The following CDH22 variants were observed in gnomAD, a reference collection of about 807,000 sequenced individuals.
CDH22 encodes cadherin 22.
CDH22 carries 30 observed loss-of-function variants against 58.4 expected under a neutral mutation model. The observed-to-expected ratio is 0.51, with a 90% CI of 0.38 to 0.70. The LOEUF is 0.70. CDH22 is among the 30% of genes least tolerant of loss of function. The pLI is 0.00. For missense variants in CDH22, 1,014 were observed against 1,233.9 expected (o/e 0.82, Z 2.67); for synonymous variants, 513 against 558.2 (o/e 0.92, Z 1.14).
At chr20:46,267,080 T>C (rs542191928) in intron 1 of CDH22, among the ~76,000 whole-genome samples, 5 of 152,234 alleles carry the variant, frequency 3.3e-5, no homozygotes, top group African/African-American at 1.2e-4. Context: ...TTATTATAAT[T>C]GTTATATTAC....
At chr20:46,286,182 A>C (rs1410630634) in intron 1 of CDH22, among the ~76,000 whole-genome samples, 1 of 152,092 alleles carries the variant, frequency 6.6e-6, no homozygotes, top group Non-Finnish European at 1.5e-5. Context: ...TCAACCCTGG[A>C]AGGCAGGTGT....
intron 3 of CDH22, among the ~76,000 whole-genome samples, chr20:46,234,416 A>C (rs1299836145): frequency 1.3e-5 from 2 of 152,254 alleles, no homozygotes; most frequent in Admixed American, 1.3e-4. Flanking sequence ...TAGTAACATG[A>C]AGACACTAAT....
In CDH22 at chr20:46,251,172, T is replaced by C. The variant is rs2086370236; in HGVS notation, c.123A>G (p.Thr41=). 1 of 1,568,060 alleles carries C rather than the reference T, an allele frequency of 6.4e-7. No individual in the cohort carries two copies. The highest frequency in any genetic ancestry group is 8.6e-7 in the Non-Finnish European group (1 of 1,158,670). ...GAGCTCCGGGCGCCGACGGCGAGGG[T>C]GTGCCCGCTGCCCACAGGCGCCCCA... is the stretch of plus-strand genomic sequence containing the variant. The part of the protein sequence containing the change: ...TLLGRLWAAG[T]PSPSAPGARQ... The change falls in exon 2 of 12, where the codon ACA becomes ACG. Residue 41 remains threonine (T), a synonymous_variant. Coordinates refer to ENST00000537909, the MANE Select transcript of CDH22 (RefSeq NM_021248.3). The surrounding 1 kb of genome is among the most constrained non-coding windows in gnomAD (Gnocchi z 6.7).
At chr20:46,201,074 TGTCTC>T (rs1403063428) in intron 7 of CDH22, among the ~76,000 whole-genome samples, 1 of 152,218 alleles carries the variant, frequency 6.6e-6, no homozygotes, top group African/African-American at 2.4e-5. Flanking sequence ...GTCCAACACA[TGTCTC>T]GGGCGGCGGC....
intron 1 of CDH22, among the ~76,000 whole-genome samples, chr20:46,293,246 C>T (rs575902858): frequency 6.6e-6 from 1 of 152,280 alleles, no homozygotes; most frequent in South Asian, 2.1e-4. Context: ...ATTCTGTGGA[C>T]TCAGAGAGTA....
intron 6 of CDH22, among the ~76,000 whole-genome samples, chr20:46,212,231 G>A (rs986515180): frequency 6.6e-6 from 1 of 152,180 alleles, no homozygotes; most frequent in Non-Finnish European, 1.5e-5. Context: ...GGAGGAAGAA[G>A]AGCTGGACAG....
Position 46,216,736 on chromosome 20 carries a change from G to A in CDH22, c.838+90C>T. ...GGGGAAGCCCTTCTTTTGGTGGGAAGTCTAAAGGGAAGCTGGGGTCAGCAG... is the reference window on the plus strand; with the variant it reads ...GGGGAAGCCCTTCTTTTGGTGGGAAATCTAAAGGGAAGCTGGGGTCAGCAG... On this transcript the variant is annotated intron_variant, in intron 5 of 11. Coordinates refer to ENST00000537909, the MANE Select transcript of CDH22 (RefSeq NM_021248.3). The surrounding 1 kb of genome is among the most constrained non-coding windows in gnomAD (Gnocchi z 5.3). 2.4e-6 allele frequency: 3 copies of A among 1,244,020 alleles called. No homozygotes were observed. The South Asian group carries it at 4.0e-5, about 16-fold the overall frequency. 77.1% of individuals were successfully genotyped at this position (1,244,020 alleles called of 1,614,324 possible). A position where few individuals can be genotyped will look rare whatever the true frequency, so the allele number is the denominator to read the frequency against.
intron 2 of CDH22, among the ~76,000 whole-genome samples, chr20:46,246,018 C>T (rs1600714737): frequency 6.6e-6 from 1 of 152,276 alleles, no homozygotes; most frequent in African/African-American, 2.4e-5. Context: ...AAGCCCCATC[C>T]CTTGATCATA....
intron 1 of CDH22, among the ~76,000 whole-genome samples, chr20:46,298,519 C>T (rs936916593): frequency 4.6e-5 from 7 of 151,858 alleles, no homozygotes; most frequent in Non-Finnish European, 5.9e-5. Context: ...AGGTAAATAA[C>T]GGGTTGGTGG....
intron 1 of CDH22, among the ~76,000 whole-genome samples, chr20:46,286,336 C>A: frequency 6.6e-6 from 1 of 152,132 alleles, no homozygotes; most frequent in Non-Finnish European, 1.5e-5. Flanking sequence ...AATCTGACCA[C>A]GCCTGGCCCT....
chr20:46,236,642 T>TAA (rs2086255059), intron 3 of CDH22, among the ~76,000 whole-genome samples: 2 of 134,382 alleles, frequency 1.5e-5, no homozygotes, highest in African/African-American at 5.5e-5. Context: ...TATATATTTA[T>TAA]ATATTAATAT....
intron 4 of CDH22, among the ~76,000 whole-genome samples, chr20:46,222,327 C>A (rs1297947773): frequency 6.6e-6 from 1 of 152,198 alleles, no homozygotes; most frequent in Non-Finnish European, 1.5e-5. Flanking sequence ...ACTCCCAGTG[C>A]CCCTCCACTG....
At chr20:46,289,687 G>A (rs1398987595) in intron 1 of CDH22, among the ~76,000 whole-genome samples, 5 of 152,166 alleles carry the variant, frequency 3.3e-5, no homozygotes, top group African/African-American at 1.2e-4. Flanking sequence ...TGGATTGCCT[G>A]GGGCGATATG....
At position 46,266,007 on chromosome 20, in the gene CDH22, G is replaced by T. The variant is rs546512590; in HGVS notation, c.-399-14314C>A. On this transcript the variant is annotated intron_variant, in intron 1 of 11. Coordinates refer to ENST00000537909, the MANE Select transcript of CDH22 (RefSeq NM_021248.3). ...GCTCCTCCATCCTACTGAACTACTG[G>T]GGGCCCAGATGCCCCCTCTGGGTCT... Among the ~76,000 whole-genome samples, 9 of 151,552 alleles carry T rather than the reference G, an allele frequency of 5.9e-5. No homozygotes were observed. The South Asian group carries it at 1.9e-3, about 32-fold the overall frequency.
chr20:46,230,188 G>A (rs982524500), intron 3 of CDH22, among the ~76,000 whole-genome samples: 1 of 151,994 alleles, frequency 6.6e-6, no homozygotes, highest in African/African-American at 2.4e-5. Flanking sequence ...CCTTGGGGTG[G>A]TCCCACAGGT....
Position 46,251,387 on chromosome 20 carries a change from ATGG to A in CDH22, c.-96_-94del. The A allele has an allele frequency of 7.5e-7, 1 of 1,325,146 alleles. No homozygotes were observed. Among genetic ancestry groups the A allele is most frequent in the Non-Finnish European group, 9.7e-7 (1 of 1,031,260 alleles). 82.1% of individuals were successfully genotyped at this position (1,325,146 alleles called of 1,614,324 possible). A position where few individuals can be genotyped will look rare whatever the true frequency, so the allele number is the denominator to read the frequency against. On this transcript the variant is annotated 5_prime_UTR_variant, in exon 2 of 12. The change creates a new upstream start codon in the 5' untranslated region. Transcript: ENST00000537909. This position sits in a 1 kb window ranked among gnomAD's most constrained non-coding sequence, Gnocchi z 6.7. ...GCACAACGATGCGGCGCCGTGTCACATGGTGGCCTCAGCGCGGCCGCCGGGATG... is the reference window on the plus strand; with the variant it reads ...GCACAACGATGCGGCGCCGTGTCACATGGCCTCAGCGCGGCCGCCGGGATG...
rs184005956 is a variant in CDH22, at chr20:46,213,282, C to G, written c.839-94G>C. 9.7e-4 allele frequency: 825 copies of G among 852,572 alleles called. 6 individuals are homozygous for G. The African/African-American group carries it at 0.012, about 13-fold the overall frequency. The allele number at this position is 852,572 out of a possible 1,614,324, so 52.8% of individuals were successfully genotyped here. ...AGGGGACAAGGGGGCCCAGGTGAGC[C>G]TCTATGGAGGACAGTGCCTGAAAGG... On this transcript the variant is annotated intron_variant, in intron 5 of 11. Transcript: ENST00000537909.
intron 7 of CDH22, among the ~76,000 whole-genome samples, chr20:46,203,575 A>C (rs1196046167): frequency 6.6e-6 from 1 of 152,260 alleles, no homozygotes. Flanking sequence ...AATTCCCAGC[A>C]AAATAGAGAT....
chr20:46,281,957 A>T (rs1465025542), intron 1 of CDH22, among the ~76,000 whole-genome samples: 1 of 152,254 alleles, frequency 6.6e-6, no homozygotes, highest in Non-Finnish European at 1.5e-5. Context: ...AGATGACAGA[A>T]TGCAGAGCTT....
Sources: gnomAD v4.1 joint callset for allele counts (sites outside exome capture counted in the v4.1 genomes callset) on GRCh38, gnomAD v4.1.1 for gene constraint, Gnocchi (gnomAD v3.1) non-coding constraint, MANE v1.5 for transcripts, NCBI Gene and HGNC (gene_info 2026-07-23, HGNC 2026-07-21) for gene names.